Variants in LAMA2 observed in about 807,000 individuals in gnomAD.
The protein encoded by LAMA2 is laminin subunit alpha-2.
In LAMA2, 269 loss-of-function variants were observed where a neutral mutation model predicts 364.8. The observed-to-expected ratio is 0.74, with a 90% CI of 0.67 to 0.82. The LOEUF is 0.82. Among genes scored for constraint, LAMA2 ranks in the 40% least tolerant of loss-of-function variants. LAMA2 has a pLI of 0.00. For missense variants in LAMA2, 3,807 were observed against 3,873.2 expected (o/e 0.98, Z 0.45); for synonymous variants, 1,379 against 1,370.6 (o/e 1.01, Z -0.14).
intron 3 of LAMA2, among the ~76,000 whole-genome samples, chr6:129,078,908 A>G (rs1322109095): frequency 6.6e-6 from 1 of 152,170 alleles, no homozygotes; most frequent in Non-Finnish European, 1.5e-5. Context: ...TCCTTTTGTA[A>G]CTGGCTTATT....
intron 4 of LAMA2, among the ~76,000 whole-genome samples, chr6:129,124,386 C>T (rs1776990884): frequency 6.6e-6 from 1 of 152,150 alleles, no homozygotes; most frequent in Non-Finnish European, 1.5e-5. Context: ...TGTCTCCCTC[C>T]AGATGAGGGG....
chr6:129,128,622 C>T (rs185875415), intron 4 of LAMA2, among the ~76,000 whole-genome samples: 20 of 152,198 alleles, frequency 1.3e-4, no homozygotes, highest in African/African-American at 4.6e-4. Flanking sequence ...TTCTTCCAAT[C>T]CATGAACACA....
At chr6:129,329,033 C>A (rs781543801) in intron 29 of LAMA2, among the ~76,000 whole-genome samples, 6 of 152,150 alleles carry the variant, frequency 3.9e-5, no homozygotes, top group Non-Finnish European at 7.4e-5. Flanking sequence ...GCACTCTCTA[C>A]CACCATCTGC....
intron 9 of LAMA2, among the ~76,000 whole-genome samples, chr6:129,177,209 T>C (rs1780649275): frequency 6.6e-6 from 1 of 152,234 alleles, no homozygotes; most frequent in African/African-American, 2.4e-5. Context: ...ACCTTTATTT[T>C]CTTTAGTAAT....
chr6:129,440,528 ATAAGTT>A (rs2114764791), intron 42 of LAMA2, among the ~76,000 whole-genome samples: 1 of 152,290 alleles, frequency 6.6e-6, no homozygotes, highest in Non-Finnish European at 1.5e-5. Context: ...TATCTCGTGA[ATAAGTT>A]CAGCAGCAAA....
chr6:129,207,274 T>A (rs1435301612), intron 12 of LAMA2, among the ~76,000 whole-genome samples: 1 of 152,226 alleles, frequency 6.6e-6, no homozygotes, highest in Non-Finnish European at 1.5e-5. Context: ...CATTCTGAAA[T>A]AACTGGATTT....
intron 1 of LAMA2, among the ~76,000 whole-genome samples, chr6:128,888,315 T>C (rs1036831178): frequency 6.6e-6 from 1 of 152,158 alleles, no homozygotes; most frequent in African/African-American, 2.4e-5. Context: ...GGTAAATGAA[T>C]GAATGTTTAC....
chr6:129,178,121 T>G (rs1463584583), intron 10 of LAMA2, among the ~76,000 whole-genome samples: 1 of 152,164 alleles, frequency 6.6e-6, no homozygotes, highest in Non-Finnish European at 1.5e-5. Flanking sequence ...TTTCACCCCA[T>G]TGCCCAACTA....
intron 3 of LAMA2, among the ~76,000 whole-genome samples, chr6:129,086,975 G>T (rs1261072708): frequency 3.3e-5 from 5 of 152,160 alleles, no homozygotes; most frequent in Non-Finnish European, 2.9e-5. Context: ...GGAACAGGTT[G>T]AATCCTTCGT....
In LAMA2 at chr6:129,339,142, A is replaced by G. The variant is rs554302213; in HGVS notation, c.4312-3201A>G. 2.6e-5 allele frequency among the ~76,000 whole-genome samples: 4 copies of G among 152,376 alleles called. No homozygotes were observed. In the South Asian group the frequency reaches 8.3e-4, roughly 32 times the overall value. On this transcript the variant is annotated intron_variant, in intron 29 of 64. Coordinates refer to ENST00000421865, the MANE Select transcript of LAMA2 (RefSeq NM_000426.4). ...TGGAGAAATCACCAGATAAGAAAAT[A>G]TGGAGACAGGATCTTTAGCTAAAAG...
chr6:129,141,802 C>G (rs1400701976), intron 4 of LAMA2, among the ~76,000 whole-genome samples: 1 of 151,994 alleles, frequency 6.6e-6, no homozygotes, highest in Non-Finnish European at 1.5e-5. Context: ...AAGCATCTCC[C>G]AGATAGCACA....
rs560513536 is a variant in LAMA2 at position 129,091,300 on chromosome 6, G to A, written c.397-6873G>A. ...ACAATTTCAACAAATAATTGAAAAT[G>A]TTCTCTTCAAAGTATTATCATTAGT... On this transcript the variant is annotated intron_variant, in intron 3 of 64. Coordinates refer to ENST00000421865, the MANE Select transcript of LAMA2 (RefSeq NM_000426.4). Among the ~76,000 whole-genome samples, 8 of 152,220 alleles carry A rather than the reference G, an allele frequency of 5.3e-5. No homozygotes were observed. In the South Asian group the frequency reaches 1.4e-3, roughly 28 times the overall value.
At chr6:129,308,004 C>G (rs566168907) in intron 22 of LAMA2, among the ~76,000 whole-genome samples, 1 of 152,290 alleles carries the variant, frequency 6.6e-6, no homozygotes, top group Admixed American at 6.5e-5. Context: ...TAACCACCTT[C>G]ACATGTATGA....
At chr6:129,085,001 GC>G (rs1319370946) in intron 3 of LAMA2, among the ~76,000 whole-genome samples, 2 of 152,094 alleles carry the variant, frequency 1.3e-5, no homozygotes, top group Non-Finnish European at 2.9e-5. Flanking sequence ...AGATCTTCCT[GC>G]TTTACCATTT....
intron 3 of LAMA2, among the ~76,000 whole-genome samples, chr6:129,083,930 A>G (rs1258018685): frequency 6.6e-6 from 1 of 152,204 alleles, no homozygotes; most frequent in Non-Finnish European, 1.5e-5. Flanking sequence ...GTGAGAAAAG[A>G]TACACACGAT....
chr6:129,224,941 C>A lies in LAMA2; in HGVS notation c.1783-25171C>A, dbSNP rs572115736. ...TCCTCCTTGTACCTCTGGTAGAATT[C>A]GGCTGTGAATCCATCTGGTCCTGGA... On this transcript the variant is annotated intron_variant, in intron 12 of 64. Coordinates refer to ENST00000421865, the MANE Select transcript of LAMA2 (RefSeq NM_000426.4). 3.3e-5 allele frequency among the ~76,000 whole-genome samples: 5 copies of A among 152,216 alleles called. No homozygotes were observed. The East Asian group carries it at 9.7e-4, about 29-fold the overall frequency.
At chr6:129,303,190 G>A (rs181639224) in intron 22 of LAMA2, among the ~76,000 whole-genome samples, 32 of 152,096 alleles carry the variant, frequency 2.1e-4, no homozygotes, top group Non-Finnish European at 2.8e-4. Flanking sequence ...AAATGTATCC[G>A]TTTCATATTT....
intron 41 of LAMA2, among the ~76,000 whole-genome samples, chr6:129,433,248 AT>A (rs35855073): frequency 0.51 from 77,720 of 151,970 alleles, 20,688 homozygotes; most frequent in African/African-American, 0.67. Context: ...AATTGGAGGG[AT>A]TTTTTCTAAG....
intron 10 of LAMA2, among the ~76,000 whole-genome samples, chr6:129,182,485 T>C (rs1465712112): frequency 1.3e-5 from 2 of 151,572 alleles, no homozygotes; most frequent in Non-Finnish European, 3.0e-5. Flanking sequence ...GAAAAATAAA[T>C]AGCAAAAATA....
Sources: gnomAD v4.1 joint callset for allele counts (sites outside exome capture counted in the v4.1 genomes callset) on GRCh38, gnomAD v4.1.1 for gene constraint, MANE v1.5 for transcripts, NCBI Gene and HGNC (gene_info 2026-07-23, HGNC 2026-07-21) for gene names.